The following ADAMTS13 variants were observed in gnomAD, a reference collection of about 807,000 sequenced individuals.
The protein encoded by ADAMTS13 is A disintegrin and metalloproteinase with thrombospondin motifs 13.
ADAMTS13 carries 110 observed loss-of-function variants against 155.1 expected under a neutral mutation model. The ratio of observed to expected loss-of-function variants is 0.71; its 90% CI spans 0.61 to 0.83. The LOEUF is 0.83. Among genes scored for constraint, ADAMTS13 ranks in the 40% least tolerant of loss-of-function variants. ADAMTS13 has a pLI of 0.00. For synonymous variants in ADAMTS13, 758 were observed against 756.4 expected (o/e 1.00, Z -0.03); for missense variants, 1,707 against 1,891.7 (o/e 0.90, Z 1.81).
In ADAMTS13 at chr9:133,441,071, G is replaced by T. The variant is rs587645279; in HGVS notation, c.1968+546G>T. 5.9e-5 allele frequency among the ~76,000 whole-genome samples: 9 copies of T among 152,142 alleles called. No individual in the cohort carries two copies. The highest frequency in any genetic ancestry group is 1.3e-4 in the Admixed American group (2 of 15,280). On this transcript the variant is annotated intron_variant, in intron 16 of 28. Coordinates refer to ENST00000355699, the MANE Select transcript of ADAMTS13 (RefSeq NM_139027.6). The surrounding 1 kb of genome is among the most constrained non-coding windows in gnomAD (Gnocchi z 5.0). Reference sequence around the variant, plus strand: ...CTTTGGTGCAGTGTGTGTGGGAACCGGAAGGCCTTGTTCAGGCGTGTCCTC... The same window carrying T: ...CTTTGGTGCAGTGTGTGTGGGAACCTGAAGGCCTTGTTCAGGCGTGTCCTC...
At chr9:133,446,319 C>G (rs1197150806) in intron 21 of ADAMTS13, among the ~76,000 whole-genome samples, 1 of 152,186 alleles carries the variant, frequency 6.6e-6, no homozygotes, top group South Asian at 2.1e-4. Flanking sequence ...GGAGCTCTGT[C>G]CCTGTGAAAC....
upstream of ADAMTS13, among the ~76,000 whole-genome samples, chr9:133,420,416 G>T (rs1554782784): frequency 6.6e-6 from 1 of 152,202 alleles, no homozygotes. Flanking sequence ...CCAGGGCAAT[G>T]CAGCCTTCTG....
intron 7 of ADAMTS13, chr9:133,429,652 G>T (rs1554786462): frequency 4.1e-6 from 2 of 482,768 alleles, no homozygotes; most frequent in Non-Finnish European, 7.9e-6. Context: ...CCTTCCCGCC[G>T]ACCGCACCGC....
Position 133,459,277 on chromosome 9 carries a change from CTACTT to C in ADAMTS13, c.*100_*104del. The C allele has an allele frequency of 8.0e-7, 1 of 1,256,050 alleles. No homozygotes were observed. The highest frequency in any genetic ancestry group is 1.1e-6 in the Non-Finnish European group (1 of 883,274). 77.8% of individuals were successfully genotyped at this position (1,256,050 alleles called of 1,614,324 possible). ...TCGAACTTTTTCCAATCTTAGGTATCTACTTTAGAGTCTTCTCCAATGTCCAAAAG... is the reference window on the plus strand; with the variant it reads ...TCGAACTTTTTCCAATCTTAGGTATCTAGAGTCTTCTCCAATGTCCAAAAG... On this transcript the variant is annotated 3_prime_UTR_variant, in exon 29 of 29. Transcript: ENST00000355699.
At position 133,438,240 on chromosome 9, in the gene ADAMTS13, G is replaced by A; in HGVS notation, c.1585-6G>A. On this transcript the variant is annotated splice_region_variant and splice_polypyrimidine_tract_variant and intron_variant, in intron 13 of 28. Transcript: ENST00000355699. ...ACACGGGCCCTCTGTCCTTCCCTTT[G>A]CATAGACATTTGGCTGTGATGGTAG... The A allele has an allele frequency of 6.2e-7, 1 of 1,614,138 alleles. No individual in the cohort carries two copies. Among genetic ancestry groups the A allele is most frequent in the Non-Finnish European group, 8.5e-7 (1 of 1,180,020 alleles).
chr9:133,438,305 T>C lies in ADAMTS13; in HGVS notation c.1644T>C (p.Cys548=), dbSNP rs369336602. The change falls in exon 14 of 29, where the codon TGT becomes TGC. Residue 548 remains cysteine (C), a synonymous_variant. Coordinates refer to ENST00000355699, the MANE Select transcript of ADAMTS13 (RefSeq NM_139027.6). ...AGGTATGGGACAGGTGCCAGGTGTG[T>C]GGTGGGGACAACAGCACGTGCAGCC... ...SQQVWDRCQV[C]GGDNSTCSPR... 6.2e-7 allele frequency: 1 copy of C among 1,614,074 alleles called. No homozygotes were observed.
intron 23 of ADAMTS13, among the ~76,000 whole-genome samples, chr9:133,451,205 C>T (rs1371106333): frequency 2.6e-5 from 4 of 152,232 alleles, no homozygotes; most frequent in African/African-American, 9.6e-5. Context: ...TGTTCCAGCA[C>T]TCCAGTTTAA....
chr9:133,417,968 TC>T, upstream of ADAMTS13: 2 of 904,420 alleles, frequency 2.2e-6, no homozygotes, highest in Non-Finnish European at 3.3e-6. Context: ...AGGGACCCCG[TC>T]CAGGAAAAGA....
At position 133,455,710 on chromosome 9, in the gene ADAMTS13, G is replaced by T. The variant is rs1554795704; in HGVS notation, c.3400+275G>T. The T allele has an allele frequency of 2.1e-6, 3 of 1,427,882 alleles. No homozygotes were observed. The African/African-American group carries it at 4.2e-5, about 20-fold the overall frequency. The allele number at this position is 1,427,882 out of a possible 1,614,324, so 88.5% of individuals were successfully genotyped here. A position where few individuals can be genotyped will look rare whatever the true frequency, so the allele number is the denominator to read the frequency against. ...CAAGCACTTGGTCCCTGGGTTGTGT[G>T]CCTGGGAGGCCGGGATCAGGGCTGG... On this transcript the variant is annotated intron_variant, in intron 25 of 28. Transcript: ENST00000355699.
upstream of ADAMTS13, among the ~76,000 whole-genome samples, chr9:133,421,066 G>C (rs1333340077): frequency 3.3e-5 from 5 of 152,160 alleles, no homozygotes; most frequent in East Asian, 9.6e-4. Flanking sequence ...AGGAGTTTGA[G>C]ACCAGCTTGG....
At position 133,449,846 on chromosome 9, in the gene ADAMTS13, G is replaced by GTA; in HGVS notation, c.2927_2928dup (p.Cys977IlefsTer145). On this transcript the variant is annotated frameshift_variant, in exon 23 of 29. Transcript: ENST00000355699. LOFTEE classifies it high-confidence loss of function. ...GGAGAGGGGTCGTGCGGAGGATCCT[G>GTA]TATTGTGCCCGGGCCCATGGGGAGG... The GTA allele has an allele frequency of 6.2e-7, 1 of 1,614,064 alleles. No homozygotes were observed. Among genetic ancestry groups the GTA allele is most frequent in the Non-Finnish European group, 8.5e-7 (1 of 1,180,018 alleles).
Position 133,428,679 on chromosome 9 carries a change from C to T in ADAMTS13, c.732C>T (p.Pro244=). ...HDGAPGSGCG[P]SGHVMASDGA... The stretch of plus-strand genomic sequence containing the variant: ...GCGCGCCCGGCAGCGGCTGCGGCCC[C>T]AGCGGACACGTGATGGCTTCGGACG... Residue 244 remains proline, a synonymous_variant, in exon 7 of 29, where the codon CCC becomes CCT. Coordinates refer to ENST00000355699, the MANE Select transcript of ADAMTS13 (RefSeq NM_139027.6). 7.3e-7 allele frequency: 1 copy of T among 1,365,150 alleles called. No individual in the cohort carries two copies. The allele number at this position is 1,365,150 out of a possible 1,614,324, so 84.6% of individuals were successfully genotyped here. A position where few individuals can be genotyped will look rare whatever the true frequency, so the allele number is the denominator to read the frequency against.
intron 2 of ADAMTS13, among the ~76,000 whole-genome samples, chr9:133,423,979 G>A (rs1027702882): frequency 3.3e-5 from 5 of 152,254 alleles, no homozygotes; most frequent in Admixed American, 6.5e-5. Flanking sequence ...CTCGTGTTCA[G>A]TTTCCTGTCG....
chr9:133,436,313 G>A (rs965693456), intron 11 of ADAMTS13, among the ~76,000 whole-genome samples: 8 of 152,012 alleles, frequency 5.3e-5, no homozygotes, highest in East Asian at 1.9e-4. Context: ...TCCCCAGACC[G>A]TGAGGGGAGG....
intron 11 of ADAMTS13, among the ~76,000 whole-genome samples, chr9:133,435,891 TC>T (rs1554788872): frequency 1.3e-5 from 2 of 151,968 alleles, no homozygotes. Context: ...TGTTTCACAT[TC>T]CCACCAGCAT....
At chr9:133,418,994 C>G (rs1839834307), upstream of ADAMTS13, among the ~76,000 whole-genome samples, 1 of 152,156 alleles carries the variant, frequency 6.6e-6, no homozygotes, top group South Asian at 2.1e-4. Context: ...GTGCACGCCA[C>G]CACTCTCTGC....
At chr9:133,436,711 G>A in intron 11 of ADAMTS13, 118 bp from the exon 12 acceptor site, 2 of 1,079,778 alleles carry the variant, frequency 1.9e-6, no homozygotes, top group Non-Finnish European at 2.7e-6. Flanking sequence ...GGCACGGCCT[G>A]GAGCTGAGGC....
intron 8 of ADAMTS13, among the ~76,000 whole-genome samples, chr9:133,431,729 A>G (rs1554787540): frequency 6.6e-6 from 1 of 152,114 alleles, no homozygotes; most frequent in East Asian, 1.9e-4. Flanking sequence ...ATCTTGGCTC[A>G]CTGCAAGCTC....
At chr9:133,447,572 AT>A (rs901913187) in intron 21 of ADAMTS13, among the ~76,000 whole-genome samples, 97 of 147,134 alleles carry the variant, frequency 6.6e-4, no homozygotes, top group Middle Eastern at 4.1e-3. Flanking sequence ...CAACCAAGAG[AT>A]TTTTTTTCTT....
Sources: gnomAD v4.1 joint callset for allele counts (sites outside exome capture counted in the v4.1 genomes callset) on GRCh38, gnomAD v4.1.1 for gene constraint, Gnocchi (gnomAD v3.1) non-coding constraint, MANE v1.5 for transcripts, NCBI Gene and HGNC (gene_info 2026-07-23, HGNC 2026-07-21) for gene names.